SLC24A3: variants seen among roughly 807,000 people sequenced by gnomAD.
The protein encoded by SLC24A3 is sodium/potassium/calcium exchanger 3.
SLC24A3 carries 28 observed loss-of-function variants against 75.8 expected under a neutral mutation model. That is an observed-to-expected ratio of 0.37 (90% confidence interval 0.27 to 0.51). The LOEUF is 0.51. SLC24A3 is among the 20% of genes least tolerant of loss of function. The pLI is 0.94. For missense variants in SLC24A3, 663 were observed against 847.8 expected (o/e 0.78, Z 2.71); for synonymous variants, 372 against 334.1 (o/e 1.11, Z -1.24).
At chr20:19,691,497 G>T (rs1400793495) in intron 12 of SLC24A3, among the ~76,000 whole-genome samples, 4 of 152,350 alleles carry the variant, frequency 2.6e-5, no homozygotes, top group African/African-American at 9.6e-5. Flanking sequence ...GTGGAGGCCA[G>T]TGGAAGGTTC....
At chr20:19,508,138 C>CA (rs1988487017) in intron 2 of SLC24A3, among the ~76,000 whole-genome samples, 1 of 152,296 alleles carries the variant, frequency 6.6e-6, no homozygotes, top group East Asian at 1.9e-4. Flanking sequence ...ACCCGGAAGA[C>CA]AAAGTTTTTA....
chr20:19,631,059 G>T (rs746878006), intron 6 of SLC24A3, among the ~76,000 whole-genome samples: 1 of 152,098 alleles, frequency 6.6e-6, no homozygotes, highest in Non-Finnish European at 1.5e-5. Flanking sequence ...TGAAAGTATT[G>T]TGTGTTGGGC....
At chr20:19,290,120 A>T (rs981641571) in intron 2 of SLC24A3, among the ~76,000 whole-genome samples, 8 of 152,228 alleles carry the variant, frequency 5.3e-5, no homozygotes, top group Admixed American at 1.3e-4. Context: ...GCCCTACTGG[A>T]TTGGAACCTC....
intron 2 of SLC24A3, among the ~76,000 whole-genome samples, chr20:19,439,788 C>G (rs1052328505): frequency 6.6e-6 from 1 of 152,200 alleles, no homozygotes. Context: ...CCTCGCTGAT[C>G]CGAGTGATTG....
chr20:19,619,114 A>G lies in SLC24A3; in HGVS notation c.612+33570A>G, dbSNP rs76231672. On this transcript the variant is annotated intron_variant, in intron 6 of 16. Transcript: ENST00000328041. The stretch of plus-strand genomic sequence containing the variant: ...CTCCTCCCTCCCATCAAAAAGTGGC[A>G]TCTAATTACCCTTCTCTTGATAAGG... 9.3e-4 allele frequency among the ~76,000 whole-genome samples: 141 copies of G among 152,266 alleles called. 2 individuals are homozygous for G. The East Asian group carries it at 0.026, about 28-fold the overall frequency.
chr20:19,473,788 A>G (rs779795096), intron 2 of SLC24A3, among the ~76,000 whole-genome samples: 1 of 152,220 alleles, frequency 6.6e-6, no homozygotes, highest in Non-Finnish European at 1.5e-5. Context: ...CCTCCAAGGC[A>G]GTGTAGGTGA....
At chr20:19,365,579 T>C (rs1294076520) in intron 2 of SLC24A3, among the ~76,000 whole-genome samples, 1 of 152,188 alleles carries the variant, frequency 6.6e-6, no homozygotes, top group African/African-American at 2.4e-5. Flanking sequence ...GAAGTTGCTA[T>C]ACAGAAAAGC....
intron 2 of SLC24A3, among the ~76,000 whole-genome samples, chr20:19,506,555 G>A (rs6112428): frequency 6.6e-6 from 1 of 152,162 alleles, no homozygotes; most frequent in Admixed American, 6.5e-5. Flanking sequence ...ACTTGGACTG[G>A]TTACTTGCCC....
intron 2 of SLC24A3, among the ~76,000 whole-genome samples, chr20:19,345,498 C>G (rs758498967): frequency 1.1e-4 from 17 of 152,076 alleles, no homozygotes; most frequent in Non-Finnish European, 1.9e-4. Context: ...GACTTCAACA[C>G]TCACTGTAAA....
chr20:19,295,595 G>A (rs1203786507), intron 2 of SLC24A3, among the ~76,000 whole-genome samples: 1 of 152,176 alleles, frequency 6.6e-6, no homozygotes, highest in Non-Finnish European at 1.5e-5. Flanking sequence ...GGTCTTTTCT[G>A]TGTCTATTGA....
chr20:19,415,360 G>A (rs1002256147), intron 2 of SLC24A3, among the ~76,000 whole-genome samples: 8 of 152,138 alleles, frequency 5.3e-5, no homozygotes, highest in East Asian at 1.9e-4. Flanking sequence ...TGCAGTGCAC[G>A]GTGTGACCTG....
chr20:19,476,711 A>G lies in SLC24A3; in HGVS notation c.272-38777A>G, dbSNP rs147757660. ...GATGGTTGCTTCAGAAAGGAGGGAA[A>G]TCCAGTTGAAAGTATGGGGCCTTCC... On this transcript the variant is annotated intron_variant, in intron 2 of 16. Coordinates refer to ENST00000328041, the MANE Select transcript of SLC24A3 (RefSeq NM_020689.4). 7.9e-5 allele frequency among the ~76,000 whole-genome samples: 12 copies of G among 152,268 alleles called. No individual in the cohort carries two copies. The East Asian group carries it at 2.3e-3, about 30-fold the overall frequency.
At chr20:19,240,955 G>T (rs1246804627) in intron 1 of SLC24A3, among the ~76,000 whole-genome samples, 6 of 152,168 alleles carry the variant, frequency 3.9e-5, no homozygotes, top group African/African-American at 1.4e-4. Flanking sequence ...GCCGGCAAGG[G>T]TATCTGCAGG....
intron 1 of SLC24A3, among the ~76,000 whole-genome samples, chr20:19,227,018 G>A (rs916549777): frequency 1.3e-5 from 2 of 152,150 alleles, no homozygotes; most frequent in African/African-American, 4.8e-5. Flanking sequence ...GCATCAAAAG[G>A]CATGCCCATC....
chr20:19,676,630 C>T (rs947651436), intron 9 of SLC24A3, among the ~76,000 whole-genome samples: 1 of 152,166 alleles, frequency 6.6e-6, no homozygotes, highest in African/African-American at 2.4e-5. Context: ...AGAAAAAAAA[C>T]AGCATATATT....
At chr20:19,366,255 C>T (rs985052423) in intron 2 of SLC24A3, among the ~76,000 whole-genome samples, 3 of 152,092 alleles carry the variant, frequency 2.0e-5, no homozygotes, top group Non-Finnish European at 2.9e-5. Context: ...GCATTATGGC[C>T]CCTCATGAAT....
chr20:19,389,473 A>G (rs1986330260), intron 2 of SLC24A3, among the ~76,000 whole-genome samples: 1 of 151,896 alleles, frequency 6.6e-6, no homozygotes, highest in African/African-American at 2.4e-5. Context: ...TCTGAAGGAC[A>G]GTCTTGCAGG....
chr20:19,648,020 A>G (rs2032158976), intron 6 of SLC24A3, among the ~76,000 whole-genome samples: 1 of 152,216 alleles, frequency 6.6e-6, no homozygotes, highest in South Asian at 2.1e-4. Context: ...TTGTCTTTTT[A>G]CATAGCCCAA....
chr20:19,452,410 GTGTGTGTGTGTGTGTT>G, intron 2 of SLC24A3, among the ~76,000 whole-genome samples: 1 of 147,852 alleles, frequency 6.8e-6, no homozygotes, highest in Admixed American at 6.7e-5. Context: ...GTGTGTGTGT[GTGTGTGTGTGTGTGTT>G]GGGGAAGTAA....
Sources: allele counts gnomAD v4.1 joint callset (sites outside exome capture counted in the v4.1 genomes callset), GRCh38; gene constraint gnomAD v4.1.1; transcripts MANE v1.5; gene names NCBI Gene and HGNC (gene_info 2026-07-23, HGNC 2026-07-21).